Variants in AIG1 observed in about 807,000 individuals in gnomAD.
AIG1 encodes androgen-induced gene 1 protein.
Under a neutral mutation model 31.4 loss-of-function variants are expected in AIG1, and 23 were observed. That is an observed-to-expected ratio of 0.73 (90% CI 0.53 to 1.04). The LOEUF (loss-of-function observed/expected upper bound fraction) is 1.04. Among genes scored for constraint, AIG1 ranks in the 50% least tolerant of loss-of-function variants. The probability of loss-of-function intolerance (pLI) is 0.00; values close to 1 mark genes in which losing one functional copy is unlikely to be tolerated. For missense variants in AIG1, 274 were observed against 295.0 expected, an observed-to-expected ratio of 0.93 and a Z score of 0.52; for synonymous variants, 100 against 110.5, an observed-to-expected ratio of 0.90 and a Z score of 0.60.
chr6:143,243,685 G>A (rs1408634562), intron 3 of AIG1, among the ~76,000 whole-genome samples: 1 of 152,194 alleles, frequency 6.6e-6, no homozygotes, highest in Non-Finnish European at 1.5e-5. Context: ...GTGGAGGAAG[G>A]AGACTTTCGA....
chr6:143,248,262 C>A (rs1180713240), intron 3 of AIG1, among the ~76,000 whole-genome samples: 1 of 152,110 alleles, frequency 6.6e-6, no homozygotes, highest in Non-Finnish European at 1.5e-5. Flanking sequence ...TAGTCATGTG[C>A]CCTAAGTATG....
Position 143,333,396 on chromosome 6 carries a change from G to A in AIG1, c.630G>A (p.Leu210=). The change falls in exon 5 of 6, where the codon CTG becomes CTA. Residue 210 remains leucine, a synonymous_variant. Transcript: ENST00000357847. The surrounding 1 kb of genome is among the most constrained non-coding windows in gnomAD (Gnocchi z 4.6). ...CTACAACCATCTTAATGAACTTCCT[G>A]TACCTGCTGGGAGAAGTTCTGAACA... The part of the protein sequence containing the change: ...FGSTTILMNF[L]YLLGEVLNNY... The A allele has an allele frequency of 6.2e-7, 1 of 1,613,802 alleles. No individual in the cohort carries two copies. The highest frequency in any genetic ancestry group is 8.5e-7 in the Non-Finnish European group (1 of 1,179,924).
At chr6:143,171,510 T>C (rs531876650) in intron 3 of AIG1, among the ~76,000 whole-genome samples, 2 of 127,966 alleles carry the variant, frequency 1.6e-5, no homozygotes, top group South Asian at 4.5e-4. Flanking sequence ...ATATTTAATA[T>C]ATATAATATA....
At position 143,097,177 on chromosome 6, in the gene AIG1, G is replaced by A. The variant is rs1779874644; in HGVS notation, c.141+36111G>A. On this transcript the variant is annotated intron_variant, in intron 1 of 5. Coordinates refer to ENST00000357847, the MANE Select transcript of AIG1 (RefSeq NM_016108.4). ...AGTTTTTTGTTTTTTTTTTTCCTAA[G>A]AGAATGCCTATCAGATAGAATCTCC... Among the ~76,000 whole-genome samples, 3 of 150,748 alleles carry A rather than the reference G, an allele frequency of 2.0e-5. No homozygotes were observed. The South Asian group carries it at 6.3e-4, about 31-fold the overall frequency.
At chr6:143,226,079 A>G (rs1792922248) in intron 3 of AIG1, among the ~76,000 whole-genome samples, 1 of 152,170 alleles carries the variant, frequency 6.6e-6, no homozygotes, top group African/African-American at 2.4e-5. Context: ...ATCTTGTGTA[A>G]TGATGATAGA....
At chr6:143,232,778 C>A (rs1793534284) in intron 3 of AIG1, among the ~76,000 whole-genome samples, 1 of 152,078 alleles carries the variant, frequency 6.6e-6, no homozygotes, top group Non-Finnish European at 1.5e-5. Context: ...TTTCTTCTTC[C>A]TTTTATTTTG....
At chr6:143,092,782 G>A (rs1278327710) in intron 1 of AIG1, among the ~76,000 whole-genome samples, 3 of 152,154 alleles carry the variant, frequency 2.0e-5, no homozygotes, top group African/African-American at 7.2e-5. Flanking sequence ...AGGTGCAGTG[G>A]CTTGTGGCTG....
chr6:143,223,898 G>A (rs1792730739), intron 3 of AIG1, among the ~76,000 whole-genome samples: 2 of 152,070 alleles, frequency 1.3e-5, no homozygotes, highest in Non-Finnish European at 2.9e-5. Flanking sequence ...CTTTAATTAA[G>A]AAATAGACTA....
chr6:143,075,151 AT>A (rs1777619971), intron 1 of AIG1, among the ~76,000 whole-genome samples: 2 of 152,110 alleles, frequency 1.3e-5, no homozygotes, highest in South Asian at 4.1e-4. Flanking sequence ...ATCATACTTC[AT>A]TGCTGATATG....
chr6:143,169,367 A>G (rs903062660), intron 3 of AIG1, among the ~76,000 whole-genome samples: 5 of 152,164 alleles, frequency 3.3e-5, no homozygotes, highest in African/African-American at 1.2e-4. Flanking sequence ...ATATTTCAAA[A>G]TATGTATATA....
chr6:143,341,663 C>G (rs1211062934), downstream of AIG1, among the ~76,000 whole-genome samples: 1 of 152,174 alleles, frequency 6.6e-6, no homozygotes, highest in African/African-American at 2.4e-5. Flanking sequence ...CCTGCTGACA[C>G]CTTGATCTTG....
intron 3 of AIG1, among the ~76,000 whole-genome samples, chr6:143,170,739 A>C (rs1439176454): frequency 2.0e-5 from 3 of 151,498 alleles, no homozygotes; most frequent in Non-Finnish European, 4.4e-5. Flanking sequence ...TCTATTTGCC[A>C]TCTTTTCTTT....
intron 2 of AIG1, among the ~76,000 whole-genome samples, chr6:143,160,656 G>C (rs553158716): frequency 6.6e-6 from 1 of 152,340 alleles, no homozygotes; most frequent in East Asian, 1.9e-4. Flanking sequence ...CTGTCCAAGA[G>C]AAACTATTTT....
chr6:143,210,982 GCAGA>G (rs1474255450), intron 3 of AIG1, among the ~76,000 whole-genome samples: 3 of 152,140 alleles, frequency 2.0e-5, no homozygotes, highest in African/African-American at 7.2e-5. Flanking sequence ...TTTTTAGGGG[GCAGA>G]CAGATTTTTA....
chr6:143,283,065 T>C (rs1231816885), intron 3 of AIG1, among the ~76,000 whole-genome samples: 1 of 152,222 alleles, frequency 6.6e-6, no homozygotes, highest in Admixed American at 6.5e-5. Context: ...GTCTCCAGTA[T>C]TGGAAGGTAA....
intron 3 of AIG1, among the ~76,000 whole-genome samples, chr6:143,203,282 T>C (rs1224814501): frequency 6.6e-6 from 1 of 152,198 alleles, no homozygotes; most frequent in Non-Finnish European, 1.5e-5. Flanking sequence ...CCAGGCAGTC[T>C]GACTTCACAG....
At chr6:143,193,314 C>T (rs1012330035) in intron 3 of AIG1, among the ~76,000 whole-genome samples, 92 of 152,306 alleles carry the variant, frequency 6.0e-4, no homozygotes, top group African/African-American at 2.1e-3. Context: ...CTATCTGTGG[C>T]TTCCAATACA....
intron 1 of AIG1, among the ~76,000 whole-genome samples, chr6:143,069,192 T>C (rs1195810695): frequency 6.6e-6 from 1 of 152,116 alleles, no homozygotes; most frequent in Non-Finnish European, 1.5e-5. Context: ...TTTTTTTGTA[T>C]TTTTAGTAGA....
downstream of AIG1, among the ~76,000 whole-genome samples, chr6:143,341,957 C>T (rs1417084787): frequency 2.0e-5 from 3 of 152,056 alleles, no homozygotes; most frequent in East Asian, 5.8e-4. Flanking sequence ...CGGAGTTTTG[C>T]TCTTGTTTCC....
Sources: gnomAD v4.1 joint callset for allele counts (sites outside exome capture counted in the v4.1 genomes callset) on GRCh38, gnomAD v4.1.1 for gene constraint, Gnocchi (gnomAD v3.1) non-coding constraint, MANE v1.5 for transcripts, NCBI Gene and HGNC (gene_info 2026-07-23, HGNC 2026-07-21) for gene names.